UNC79: variants seen among roughly 807,000 people sequenced by gnomAD.
UNC79 encodes protein unc-79 homolog.
In UNC79, 37 loss-of-function variants were observed where a neutral mutation model predicts 283.1. That is an observed-to-expected ratio of 0.13 (90% CI 0.10 to 0.17). UNC79 has a LOEUF of 0.17. UNC79 is among the 10% of genes least tolerant of loss of function. UNC79 has a pLI of 1.00. For synonymous variants in UNC79, 1,107 were observed against 1,200.2 expected, an observed-to-expected ratio of 0.92 and a Z score of 1.61; for missense variants, 2,272 against 3,211.1, an observed-to-expected ratio of 0.71 and a Z score of 7.07.
At chr14:93,482,179 T>C (rs2058178168) in intron 4 of UNC79, among the ~76,000 whole-genome samples, 1 of 152,218 alleles carries the variant, frequency 6.6e-6, no homozygotes, top group South Asian at 2.1e-4. Flanking sequence ...ATTCACACAC[T>C]GTCCTGAAAT....
chr14:93,472,796 G>A (rs1482109624), intron 2 of UNC79, among the ~76,000 whole-genome samples: 1 of 152,042 alleles, frequency 6.6e-6, no homozygotes, highest in Non-Finnish European at 1.5e-5. Flanking sequence ...TGCACATAGA[G>A]CAACTGTAAA....
At chr14:93,682,046 G>C (rs571064886) in intron 41 of UNC79, among the ~76,000 whole-genome samples, 1 of 152,300 alleles carries the variant, frequency 6.6e-6, no homozygotes, top group Non-Finnish European at 1.5e-5. Flanking sequence ...GCAGTCTGAC[G>C]TGGTGACTGT....
chr14:93,585,298 T>C (rs1049214687), intron 20 of UNC79, among the ~76,000 whole-genome samples: 4 of 152,184 alleles, frequency 2.6e-5, no homozygotes, highest in Non-Finnish European at 5.9e-5. Flanking sequence ...GCTTCTGCTC[T>C]GCGGGCCTTC....
intron 5 of UNC79, among the ~76,000 whole-genome samples, chr14:93,491,129 G>A (rs2058702349): frequency 6.6e-6 from 1 of 151,998 alleles, no homozygotes; most frequent in Admixed American, 6.6e-5. Flanking sequence ...AAAGGGCAAG[G>A]GATTTCTCTG....
chr14:93,525,215 C>T lies in UNC79; in HGVS notation c.963+1173C>T, dbSNP rs545791721. Among the ~76,000 whole-genome samples, 29 of 152,030 alleles carry T rather than the reference C, an allele frequency of 1.9e-4. No individual in the cohort carries two copies. In the East Asian group the frequency reaches 4.7e-3, roughly 24 times the overall value. On this transcript the variant is annotated intron_variant, in intron 8 of 48. Coordinates refer to ENST00000555664, the Ensembl canonical transcript of UNC79. Reference sequence around the variant, plus strand: ...ATCCCAGCACTTTCAGAGGCCGAGGCGGGTGGATTGCCTGAGGTCGGGAGT... The same window carrying T: ...ATCCCAGCACTTTCAGAGGCCGAGGTGGGTGGATTGCCTGAGGTCGGGAGT...
At chr14:93,667,093 A>G (rs1432745706) in intron 40 of UNC79, among the ~76,000 whole-genome samples, 1 of 152,056 alleles carries the variant, frequency 6.6e-6, no homozygotes, top group East Asian at 1.9e-4. Context: ...TGACAGAGCA[A>G]GACCCTTTCT....
intron 4 of UNC79, among the ~76,000 whole-genome samples, chr14:93,485,291 TTTCTC>T (rs1566984144): frequency 1.3e-5 from 2 of 151,342 alleles, no homozygotes; most frequent in African/African-American, 4.9e-5. Flanking sequence ...GAGACAAGAA[TTTCTC>T]TTTTCTTTTT....
intron 1 of UNC79, among the ~76,000 whole-genome samples, chr14:93,409,293 A>G (rs1176409214): frequency 6.6e-6 from 1 of 152,224 alleles, no homozygotes; most frequent in African/African-American, 2.4e-5. Context: ...ATAATATGAA[A>G]TAATATTCCA....
chr14:93,426,823 T>C (rs1456204038), upstream of UNC79, among the ~76,000 whole-genome samples: 1 of 152,170 alleles, frequency 6.6e-6, no homozygotes, highest in Non-Finnish European at 1.5e-5. Context: ...TTGTTAATGA[T>C]AACATCTGGA....
At chr14:93,692,100 C>T (rs2074739365) in intron 46 of UNC79, among the ~76,000 whole-genome samples, 154 bp downstream of exon 49, 1 of 152,124 alleles carries the variant, frequency 6.6e-6, no homozygotes, top group Non-Finnish European at 1.5e-5. Flanking sequence ...GTTCTGCTTG[C>T]ATAAGCATTT....
At chr14:93,622,688 G>T (rs1412906072) in exon 30 of UNC79, 1 of 1,614,194 alleles carries the variant, frequency 6.2e-7, no homozygotes, top group African/African-American at 1.3e-5. Flanking sequence ...TGAAAGGAAG[G>T]TGGAAGAGGA....
At chr14:93,465,396 T>C (rs1445674403) in intron 1 of UNC79, among the ~76,000 whole-genome samples, 1 of 152,172 alleles carries the variant, frequency 6.6e-6, no homozygotes, top group Non-Finnish European at 1.5e-5. Flanking sequence ...GATAGAGCCA[T>C]GAGTAAGGTA....
chr14:93,510,744 C>A (rs2059780406), intron 7 of UNC79, among the ~76,000 whole-genome samples: 1 of 152,178 alleles, frequency 6.6e-6, no homozygotes, highest in African/African-American at 2.4e-5. Context: ...TTGGTCACAA[C>A]AATTTAACAA....
chr14:93,676,771 C>CA (rs2073376794), intron 41 of UNC79, among the ~76,000 whole-genome samples: 1 of 152,130 alleles, frequency 6.6e-6, no homozygotes, highest in African/African-American at 2.4e-5. Flanking sequence ...AAGGAAACCA[C>CA]AAAAACAGTG....
exon 30 of UNC79, chr14:93,622,333 C>A (rs767828945): frequency 1.7e-5 from 28 of 1,613,998 alleles, no homozygotes; most frequent in Non-Finnish European, 2.3e-5. Flanking sequence ...CTTCTAAGGA[C>A]TCAGGAAATA....
intron 1 of UNC79, among the ~76,000 whole-genome samples, chr14:93,395,292 G>T (rs1216928150): frequency 2.6e-5 from 4 of 152,132 alleles, no homozygotes; most frequent in Non-Finnish European, 5.9e-5. Context: ...TTCTCAGACT[G>T]CTATAAAAAA....
In UNC79 at chr14:93,643,536, A is replaced by G. The variant is rs766179619; in HGVS notation, c.5904-21A>G. Reference sequence around the variant, plus strand: ...CATGGTTCTTTCTTTCATGGAAAGCATGTCTCTCTTTTCTTTGCAGATGCC... The same window carrying G: ...CATGGTTCTTTCTTTCATGGAAAGCGTGTCTCTCTTTTCTTTGCAGATGCC... On this transcript the variant is annotated intron_variant, in intron 33 of 48. Coordinates refer to ENST00000555664, the Ensembl canonical transcript of UNC79. 2.5e-6 allele frequency: 4 copies of G among 1,613,598 alleles called. No homozygotes were observed. In the South Asian group the frequency reaches 3.3e-5, roughly 13 times the overall value.
intron 1 of UNC79, among the ~76,000 whole-genome samples, chr14:93,366,242 C>T (rs967518029): frequency 2.0e-5 from 3 of 152,176 alleles, no homozygotes; most frequent in African/African-American, 7.2e-5. Context: ...TCCTTCCCTT[C>T]CTTGTCTGAG....
At position 93,536,782 on chromosome 14, in the gene UNC79, C is replaced by CTTTTTTT. The variant is rs35677025; in HGVS notation, c.1123-1193_1123-1187dup. Among the ~76,000 whole-genome samples the CTTTTTTT allele has an allele frequency of 1.7e-4, 14 of 82,438 alleles. 1 individual carries two copies. Among genetic ancestry groups the CTTTTTTT allele is most frequent in the East Asian group, 1.4e-3 (3 of 2,216 alleles). The allele number at this position is 82,438 out of a possible 152,430, so 54.1% of individuals were successfully genotyped here. A position where few individuals can be genotyped will look rare whatever the true frequency, so the allele number is the denominator to read the frequency against. On this transcript the variant is annotated intron_variant, in intron 11 of 48. Coordinates refer to ENST00000555664, the Ensembl canonical transcript of UNC79. ...GAAGGCACCCCCCACCCACCCCCGG[C>CTTTTTTT]TTTTTTTTTTTTTTTTTTTTGTCTA...
Sources: gnomAD v4.1 joint callset for allele counts (sites outside exome capture counted in the v4.1 genomes callset) on GRCh38, gnomAD v4.1.1 for gene constraint, MANE v1.5 for transcripts, NCBI Gene and HGNC (gene_info 2026-07-23, HGNC 2026-07-21) for gene names.